LECT2: variants seen among roughly 807,000 people sequenced by gnomAD.
LECT2 encodes the protein leukocyte cell derived chemotaxin 2.
In LECT2, 11 loss-of-function variants were observed where a neutral mutation model predicts 16.6. The observed-to-expected ratio is 0.66, with a 90% CI of 0.42 to 1.09. The LOEUF (loss-of-function observed/expected upper bound fraction) is 1.09, where lower values mean the gene tolerates loss of function less well. LECT2 is among the 50% of genes least tolerant of loss of function. LECT2 has a pLI of 0.00. For missense variants in LECT2, 173 were observed against 184.2 expected, an observed-to-expected ratio of 0.94 and a Z score of 0.35; for synonymous variants, 54 against 64.8, an observed-to-expected ratio of 0.83 and a Z score of 0.80.
At chr5:135,952,810 G>C in intron 2 of LECT2, 61 bp downstream of exon 2, 4 of 1,231,846 alleles carry the variant, frequency 3.2e-6, no homozygotes, top group Non-Finnish European at 4.8e-6. Context: ...CGTTGGGCAA[G>C]GACACTAAGA....
chr5:135,950,853 T>A (rs1414529952), intron 3 of LECT2: 2 of 293,620 alleles, frequency 6.8e-6, no homozygotes, highest in Non-Finnish European at 1.3e-5. Flanking sequence ...TTTCGTGAAG[T>A]GTGTGCATGA....
Position 135,947,114 on chromosome 5 carries a change from A to G in LECT2, c.*217T>C. ...AAACTCAAATTTCCTTTTTTTAATT[A>G]AAAAATTTTTGTGGGTACATAGGTG... On this transcript the variant is annotated 3_prime_UTR_variant, in exon 4 of 4. Coordinates refer to ENST00000274507, the MANE Select transcript of LECT2 (RefSeq NM_002302.3). The G allele has an allele frequency of 2.8e-6, 1 of 363,288 alleles. No homozygotes were observed. The highest frequency in any genetic ancestry group is 4.9e-6 in the Non-Finnish European group (1 of 204,768). The allele number at this position is 363,288 out of a possible 1,614,324, so 22.5% of individuals were successfully genotyped here. A position where few individuals can be genotyped will look rare whatever the true frequency, so the allele number is the denominator to read the frequency against.
chr5:135,954,547 AG>A (rs762407643), intron 1 of LECT2, among the ~76,000 whole-genome samples: 13 of 152,216 alleles, frequency 8.5e-5, no homozygotes, highest in Non-Finnish European at 1.6e-4. Context: ...TCAGACTGAA[AG>A]GCTTTGTAAT....
intron 3 of LECT2, among the ~76,000 whole-genome samples, chr5:135,948,775 C>T (rs1430840781): frequency 2.0e-5 from 3 of 151,604 alleles, no homozygotes; most frequent in East Asian, 3.9e-4. Flanking sequence ...CCCGGGTTCA[C>T]GCCATTCTCC....
At position 135,951,481 on chromosome 5, in the gene LECT2, G is replaced by A. The variant is rs1763796560; in HGVS notation, c.144-113C>T. 6 of 1,003,374 alleles carry A rather than the reference G, an allele frequency of 6.0e-6. No homozygotes were observed. In the East Asian group the frequency reaches 1.5e-4, roughly 25 times the overall value. 62.2% of individuals were successfully genotyped at this position (1,003,374 alleles called of 1,614,324 possible). A position where few individuals can be genotyped will look rare whatever the true frequency, so the allele number is the denominator to read the frequency against. ...AGACGAGGTACCAAAGCTTGAAGCT[G>A]CCAGAACATGTTGGGATGTCCCAGG... On this transcript the variant is annotated intron_variant, in intron 2 of 3. Coordinates refer to ENST00000274507, the MANE Select transcript of LECT2 (RefSeq NM_002302.3).
intron 3 of LECT2, among the ~76,000 whole-genome samples, chr5:135,950,471 G>A (rs1763773916): frequency 6.6e-6 from 1 of 152,144 alleles, no homozygotes; most frequent in Non-Finnish European, 1.5e-5. Context: ...GGGATCTCTG[G>A]GATGTGGGTG....
intron 1 of LECT2, among the ~76,000 whole-genome samples, chr5:135,953,938 C>G (rs982877294): frequency 6.6e-6 from 1 of 151,944 alleles, no homozygotes; most frequent in African/African-American, 2.4e-5. Flanking sequence ...GCTGCTTTCT[C>G]AGCAGACTTG....
intron 3 of LECT2, 155 bp downstream of exon 3, chr5:135,951,068 T>C (rs1045419842): frequency 4.2e-6 from 3 of 721,370 alleles, no homozygotes; most frequent in African/African-American, 1.8e-5. Flanking sequence ...TTTTAAAAAA[T>C]GCATCAGCTA....
rs754916228 is a variant in LECT2 at position 135,951,291 on chromosome 5, A to G, written c.221T>C (p.Ile74Thr). ...STVYAPFTGM[I>T]VGQEKPYQNK... Reference sequence around the variant, plus strand: ...TTGATAAGGTTTCTCCTGGCCCACAATCATTCCAGTGAATGGTGCGTACAC... The same window carrying G: ...TTGATAAGGTTTCTCCTGGCCCACAGTCATTCCAGTGAATGGTGCGTACAC... The change falls in exon 3 of 4, where the codon ATT (isoleucine) becomes ACT (threonine). Residue 74 changes from isoleucine (I) to threonine (T), a missense_variant. Transcript: ENST00000274507. The G allele has an allele frequency of 7.4e-6, 12 of 1,614,072 alleles. No individual in the cohort carries two copies. Among genetic ancestry groups the G allele is most frequent in the South Asian group, 4.4e-5 (4 of 91,070 alleles).
Position 135,947,388 on chromosome 5 carries a change from T to C in LECT2, c.399A>G (p.Ile133Met), listed in dbSNP as rs1763719458. ...LLPLQKVYPG[I>M]QSHVHIENCD... ...AGTTTTCAATGTGCACATGCGATTGTATGCCAGGATAAACTTTCTGCAAGG... is the reference window on the plus strand; with the variant it reads ...AGTTTTCAATGTGCACATGCGATTGCATGCCAGGATAAACTTTCTGCAAGG... The change falls in exon 4 of 4, where the codon ATA becomes ATG. Residue 133 changes from isoleucine to methionine, a missense_variant. Physicochemically the swap from Ile to Met is conservative, Grantham distance 10. Coordinates refer to ENST00000274507, the MANE Select transcript of LECT2 (RefSeq NM_002302.3). 6.2e-7 allele frequency: 1 copy of C among 1,613,980 alleles called. No individual in the cohort carries two copies. The highest frequency in any genetic ancestry group is 1.3e-5 in the African/African-American group (1 of 74,950).
At chr5:135,953,259 T>G in intron 1 of LECT2, 1 of 294,586 alleles carries the variant, frequency 3.4e-6, no homozygotes, top group South Asian at 3.8e-5. Flanking sequence ...TGGAGCACAG[T>G]GGCGTGATCT....
chr5:135,954,196 G>A (rs1010702317), intron 1 of LECT2, among the ~76,000 whole-genome samples: 1 of 152,126 alleles, frequency 6.6e-6, no homozygotes, highest in East Asian at 1.9e-4. Context: ...ACAGAATATG[G>A]CCATTAAGCC....
Position 135,951,352 on chromosome 5 carries a change from G to C in LECT2, c.160C>G (p.Gln54Glu), listed in dbSNP as rs759421321. ...YSAQRSQRPH[Q>E]GVDILCSAGS... ...GCAGAGCACAAGATGTCCACACCCT[G>C]GTGAGGCCTCTGACTTCTAGGATGT... is the stretch of plus-strand genomic sequence containing the variant. The change falls in exon 3 of 4, where the codon CAG (glutamine) becomes GAG (glutamate). Residue 54 changes from glutamine (Q) to glutamate (E), a missense_variant. Coordinates refer to ENST00000274507, the MANE Select transcript of LECT2 (RefSeq NM_002302.3). 2.5e-6 allele frequency: 4 copies of C among 1,613,544 alleles called. No homozygotes were observed. The Admixed American group carries it at 5.0e-5, about 20-fold the overall frequency.
intron 3 of LECT2, among the ~76,000 whole-genome samples, chr5:135,949,366 T>G (rs1403904693): frequency 1.3e-5 from 2 of 152,214 alleles, no homozygotes; most frequent in East Asian, 1.9e-4. Flanking sequence ...ATTCCAATTA[T>G]GCATTCTGGA....
intron 1 of LECT2, among the ~76,000 whole-genome samples, chr5:135,954,361 T>A (rs1293455629): frequency 2.6e-5 from 4 of 152,234 alleles, no homozygotes; most frequent in African/African-American, 9.6e-5. Context: ...GTGTAGTAAT[T>A]TATTCACTTT....
intron 2 of LECT2, 128 bp downstream of exon 2, chr5:135,952,743 C>A: frequency 1.6e-6 from 1 of 626,432 alleles, no homozygotes; most frequent in South Asian, 2.2e-5. Flanking sequence ...AGTGATGTAA[C>A]TGGTTACATC....
At chr5:135,953,176 C>T in intron 1 of LECT2, 2 of 530,112 alleles carry the variant, frequency 3.8e-6, no homozygotes, top group Non-Finnish European at 6.7e-6. Flanking sequence ...CAGAATTCTG[C>T]TTTGTGACGT....
At position 135,947,161 on chromosome 5, in the gene LECT2, A is replaced by C. The variant is rs983637571; in HGVS notation, c.*170T>G. 2 of 565,216 alleles carry C rather than the reference A, an allele frequency of 3.5e-6. No individual in the cohort carries two copies. Among genetic ancestry groups the C allele is most frequent in the Non-Finnish European group, 6.1e-6 (2 of 330,218 alleles). The allele number at this position is 565,216 out of a possible 1,614,324, so 35.0% of individuals were successfully genotyped here. A position where few individuals can be genotyped will look rare whatever the true frequency, so the allele number is the denominator to read the frequency against. On this transcript the variant is annotated 3_prime_UTR_variant, in exon 4 of 4. Transcript: ENST00000274507. ...GGTGTATTTGTTTATGAGGTACGTG[A>C]GATGTTTTGATACAGGCATGCAATG...
intron 3 of LECT2, among the ~76,000 whole-genome samples, chr5:135,950,065 C>G (rs568546837): frequency 6.6e-6 from 1 of 152,168 alleles, no homozygotes; most frequent in Non-Finnish European, 1.5e-5. Context: ...GATGTGGGTT[C>G]GCTCAAAAGA....
Sources: gnomAD v4.1 joint callset for allele counts (sites outside exome capture counted in the v4.1 genomes callset) on GRCh38, gnomAD v4.1.1 for gene constraint, MANE v1.5 for transcripts, NCBI Gene and HGNC (gene_info 2026-07-23, HGNC 2026-07-21) for gene names.